The following NRAP variants were observed in gnomAD, a reference collection of about 807,000 sequenced individuals.
The protein encoded by NRAP is nebulin related anchoring protein, also known as nebulin-related-anchoring protein.
Under a neutral mutation model 225.9 loss-of-function variants are expected in NRAP, and 189 were observed. That is an observed-to-expected ratio of 0.84 (90% CI 0.74 to 0.94). The LOEUF (loss-of-function observed/expected upper bound fraction) is 0.94, where lower values mean the gene tolerates loss of function less well. NRAP is among the 40% of genes least tolerant of loss of function. The pLI, the probability that NRAP is intolerant of heterozygous loss-of-function variation, is 0.00. For missense variants in NRAP, 2,176 were observed against 2,168.7 expected (o/e 1.00, Z -0.07); for synonymous variants, 769 against 790.7 (o/e 0.97, Z 0.46).
chr10:113,648,465 C>A (rs376343633), intron 9 of NRAP, among the ~76,000 whole-genome samples: 1,447 of 105,080 alleles, frequency 0.014, 23 homozygotes, highest in African/African-American at 0.047. Context: ...CTCTCTCTCT[C>A]TCTATATATA....
At chr10:113,600,224 G>C (rs1040842934) in intron 35 of NRAP, among the ~76,000 whole-genome samples, 5 of 149,042 alleles carry the variant, frequency 3.4e-5, no homozygotes, top group African/African-American at 1.2e-4. Flanking sequence ...AGGCTGGAGT[G>C]CAGTGGTGTG....
rs1419764357 is a variant in NRAP, at chr10:113,631,891, AG to A, written c.1705del (p.Leu569TrpfsTer43). On this transcript the variant is annotated frameshift_variant, in exon 17 of 42. Coordinates refer to ENST00000359988, the MANE Select transcript of NRAP (RefSeq NM_198060.4). LOFTEE classifies it high-confidence loss of function. The part of the protein sequence containing the change: ...FEMKLDAMSL[L>X]AAKASGELAS... The stretch of plus-strand genomic sequence containing the variant: ...AAGCTCCCCAGAGGCTTTGGCGGCC[AG>A]CAGAGACATGGCATCCAGCTTCATC... The A allele has an allele frequency of 1.2e-6, 2 of 1,613,766 alleles. No individual in the cohort carries two copies. Among genetic ancestry groups the A allele is most frequent in the East Asian group, 4.5e-5 (2 of 44,878 alleles).
At chr10:113,650,908 A>T (rs1242308620) in intron 7 of NRAP, among the ~76,000 whole-genome samples, 1 of 152,248 alleles carries the variant, frequency 6.6e-6, no homozygotes, top group Non-Finnish European at 1.5e-5. Context: ...AAGCAAGAGG[A>T]AACCATGTAT....
chr10:113,632,088 T>C (rs1037415567), intron 16 of NRAP, 124 bp from the exon 17 acceptor site: 15 of 672,070 alleles, frequency 2.2e-5, no homozygotes, highest in African/African-American at 1.1e-4. Context: ...GCTGTTGTTA[T>C]CAAAATGATA....
chr10:113,625,703 T>C (rs1848250768), intron 21 of NRAP, among the ~76,000 whole-genome samples: 1 of 152,220 alleles, frequency 6.6e-6, no homozygotes, highest in African/African-American at 2.4e-5. Context: ...AAATGTTTTC[T>C]TCCCCCAAGA....
At chr10:113,631,783 T>G (rs1848597306) in intron 17 of NRAP, 74 bp downstream of exon 17, 1 of 1,016,492 alleles carries the variant, frequency 9.8e-7, no homozygotes, top group Admixed American at 1.8e-5. Context: ...AGTCATTATT[T>G]TTTTCAGCAG....
At chr10:113,619,746 C>T (rs1847883184) in intron 25 of NRAP, among the ~76,000 whole-genome samples, 2 of 152,022 alleles carry the variant, frequency 1.3e-5, no homozygotes, top group Admixed American at 6.5e-5. Flanking sequence ...GACAACTAGG[C>T]AAATGGTCAC....
chr10:113,621,717 A>T (rs1466917341), intron 24 of NRAP, 152 bp downstream of exon 24: 3 of 662,234 alleles, frequency 4.5e-6, no homozygotes, highest in Non-Finnish European at 7.7e-6. Flanking sequence ...AAGTTAAACC[A>T]CTAGCAAAGT....
In NRAP at chr10:113,631,931, C is replaced by A. The variant is rs1848605041; in HGVS notation, c.1666G>T (p.Gly556Trp). ...KYKEGWEKTKGKGFEMKLDAM... is the reference protein window; with the variant it reads ...KYKEGWEKTKWKGFEMKLDAM... ...TCCAGCTTCATCTCAAATCCTTTCC[C>A]CTTTGTCTTCTCCCAGCCTTCTTTA... The change falls in exon 17 of 42, where the codon GGG becomes TGG. Residue 556 changes from glycine to tryptophan, a missense_variant. Around this residue, in one of 3 missense-constraint regions of NRAP, gnomAD observed 1,708 missense variants for 1,695.5 expected, o/e 1.01. Coordinates refer to ENST00000359988, the MANE Select transcript of NRAP (RefSeq NM_198060.4). 2 of 1,613,064 alleles carry A rather than the reference C, an allele frequency of 1.2e-6. No individual in the cohort carries two copies. The highest frequency in any genetic ancestry group is 1.7e-6 in the Non-Finnish European group (2 of 1,179,136).
At position 113,629,724 on chromosome 10, in the gene NRAP, A is replaced by C. The variant is rs2134025172; in HGVS notation, c.1904T>G (p.Val635Gly). The change falls in exon 19 of 42, where the codon GTA becomes GGA. Residue 635 changes from valine to glycine, a missense_variant. Physicochemically the swap from Val to Gly is moderately radical, Grantham distance 109. This residue lies in a region of NRAP where 1,708 missense variants were observed against 1,695.5 expected (regional missense o/e 1.01). Transcript: ENST00000359988. ...KTRFHLPMDM[V>G]NIRHAKKAQT... is the part of the protein sequence containing the mutation. The stretch of plus-strand genomic sequence containing the variant: ...GGCCTTCTTAGCATGCCTGATGTTT[A>C]CCATATCCATGGGCAGGTGAAACCG... 1 of 1,613,950 alleles carries C rather than the reference A, an allele frequency of 6.2e-7. No individual in the cohort carries two copies. Among genetic ancestry groups the C allele is most frequent in the Non-Finnish European group, 8.5e-7 (1 of 1,179,846 alleles).
rs755142960 is a variant in NRAP, at chr10:113,589,801, G to A, written c.4957-4C>T. 11 of 1,612,802 alleles carry A rather than the reference G, an allele frequency of 6.8e-6. No individual in the cohort carries two copies. The highest frequency in any genetic ancestry group is 7.6e-6 in the Non-Finnish European group (9 of 1,179,562). ...TCAAGTCTGATTTATACTTGACCTT[G>A]AGGGTAAGAGGGAAGCAAGAGGAAT... is the stretch of plus-strand genomic sequence containing the variant. On this transcript the variant is annotated splice_polypyrimidine_tract_variant and splice_region_variant and intron_variant, in intron 40 of 41. Coordinates refer to ENST00000359988, the MANE Select transcript of NRAP (RefSeq NM_198060.4).
chr10:113,654,124 C>T lies in NRAP; in HGVS notation c.362G>A (p.Arg121Lys). ...APNRQPLANE[R>K]AYWTGYGEGN... ...TTCCCCATATCCAGTCCAATAGGCT[C>T]TCTACAAAGGAAGCACATGAAGGGA... The change falls in exon 5 of 42, where the codon AGA (arginine) becomes AAA (lysine). Residue 121 changes from arginine (R) to lysine (K), a missense_variant and splice_region_variant. Transcript: ENST00000359988. 6.3e-7 allele frequency: 1 copy of T among 1,599,482 alleles called. No homozygotes were observed. Among genetic ancestry groups the T allele is most frequent in the Non-Finnish European group, 8.6e-7 (1 of 1,166,790 alleles).
intron 31 of NRAP, among the ~76,000 whole-genome samples, chr10:113,609,502 C>T (rs1847196002): frequency 6.6e-6 from 1 of 152,162 alleles, no homozygotes; most frequent in Non-Finnish European, 1.5e-5. Context: ...GTCCTGTCAC[C>T]CTCCCAGGGG....
Position 113,647,087 on chromosome 10 carries a change from C to A in NRAP, c.889-60G>T, listed in dbSNP as rs1849562203. On this transcript the variant is annotated intron_variant, in intron 9 of 41. Coordinates refer to ENST00000359988, the MANE Select transcript of NRAP (RefSeq NM_198060.4). ...CTTCCCTCCCCAGATGGGTGGGGTT[C>A]AGCAATGGTCACTCATAGAGCCTAT... 6 of 1,012,956 alleles carry A rather than the reference C, an allele frequency of 5.9e-6. No homozygotes were observed. In the South Asian group the frequency reaches 7.6e-5, roughly 13 times the overall value. 62.7% of individuals were successfully genotyped at this position (1,012,956 alleles called of 1,614,324 possible). A position where few individuals can be genotyped will look rare whatever the true frequency, so the allele number is the denominator to read the frequency against.
At chr10:113,629,834 T>C (rs765211489) in intron 18 of NRAP, 49 bp from the exon 19 acceptor site, 1 of 1,283,088 alleles carries the variant, frequency 7.8e-7, no homozygotes, top group South Asian at 1.2e-5. Context: ...AGCCCACCCT[T>C]TGCAGGAGTG....
chr10:113,641,978 AT>A (rs1384820175), intron 12 of NRAP, among the ~76,000 whole-genome samples: 16 of 152,196 alleles, frequency 1.1e-4, no homozygotes, highest in Non-Finnish European at 4.4e-5. Context: ...TGAAATAATT[AT>A]GTTATGTGTC....
intron 3 of NRAP, among the ~76,000 whole-genome samples, chr10:113,659,527 G>A (rs1850531040): frequency 1.3e-5 from 2 of 152,182 alleles, no homozygotes; most frequent in South Asian, 4.1e-4. Context: ...TACCACTGGG[G>A]AGGGTTTGCC....
intron 5 of NRAP, among the ~76,000 whole-genome samples, chr10:113,653,415 T>TC (rs1850110327): frequency 6.6e-6 from 1 of 152,252 alleles, no homozygotes; most frequent in African/African-American, 2.4e-5. Flanking sequence ...TGTCTCTTTT[T>TC]CTTTCCTTCT....
At position 113,637,688 on chromosome 10, in the gene NRAP, C is replaced by T. The variant is rs936924262; in HGVS notation, c.1428+2539G>A. On this transcript the variant is annotated intron_variant, in intron 14 of 41. Transcript: ENST00000359988. ...CCTGTAATCCCAGCACTTTGGGAGG[C>T]CGAGGCAGGCGGATCACCTGAGGTC... 1.2e-4 allele frequency among the ~76,000 whole-genome samples: 18 copies of T among 152,308 alleles called. No homozygotes were observed. The East Asian group carries it at 3.3e-3, about 28-fold the overall frequency.
Sources: allele counts gnomAD v4.1 joint callset (sites outside exome capture counted in the v4.1 genomes callset), GRCh38; gene constraint gnomAD v4.1.1; regional missense constraint gnomAD v4.1.1; transcripts MANE v1.5; gene names NCBI Gene and HGNC (gene_info 2026-07-23, HGNC 2026-07-21).